TTC14: variants seen among roughly 807,000 people sequenced by gnomAD.
TTC14 encodes tetratricopeptide repeat protein 14.
In TTC14, 63 loss-of-function variants were observed where a neutral mutation model predicts 79.9. The observed-to-expected ratio is 0.79, with a 90% CI of 0.64 to 0.97. TTC14 has a LOEUF of 0.97. TTC14 is among the 50% of genes least tolerant of loss of function. TTC14 has a pLI of 0.00. For missense variants in TTC14, 895 were observed against 894.0 expected (o/e 1.00, Z -0.01); for synonymous variants, 335 against 309.6 (o/e 1.08, Z -0.86).
In TTC14 at chr3:180,603,246, C is replaced by A. The variant is rs1168523686; in HGVS notation, c.409C>A (p.Arg137=). ...DIVIGRISSI[R]EFGFFMVLIC... is the part of the protein sequence containing the mutation. ...AGTGATTGGAAGAATTAGTTCTATTCGGGAATTCGGTTTTTTCATGGTGTT... is the reference window on the plus strand; with the variant it reads ...AGTGATTGGAAGAATTAGTTCTATTAGGGAATTCGGTTTTTTCATGGTGTT... The change falls in exon 3 of 12, where the codon CGG becomes AGG. Residue 137 remains arginine, a synonymous_variant. Transcript: ENST00000296015. The A allele has an allele frequency of 1.2e-6, 2 of 1,613,716 alleles. No individual in the cohort carries two copies. Among genetic ancestry groups the A allele is most frequent in the Admixed American group, 3.3e-5 (2 of 59,974 alleles).
chr3:180,602,638 A>G, intron 1 of TTC14: 2 of 716,762 alleles, frequency 2.8e-6, no homozygotes, highest in Admixed American at 3.2e-5. Flanking sequence ...TGCTTGGTAG[A>G]GGCGCAGATT....
chr3:180,616,918 T>G, intron 12 of TTC14: 1 of 1,533,478 alleles, frequency 6.5e-7, no homozygotes, highest in Admixed American at 1.7e-5. Context: ...AACTTTTCTT[T>G]AACATTATTT....
intron 12 of TTC14, chr3:180,617,294 G>A (rs565463616): frequency 4.2e-4 from 203 of 478,786 alleles, no homozygotes; most frequent in African/African-American, 3.8e-3. Context: ...ATACAATTAT[G>A]TACAGTGCAT....
At chr3:180,602,533 C>T (rs1716421787) in intron 1 of TTC14, 111 bp downstream of exon 1, 2 of 1,384,814 alleles carry the variant, frequency 1.4e-6, no homozygotes, top group African/African-American at 2.9e-5. Flanking sequence ...GCCGTGAGCA[C>T]AGGACGATCG....
chr3:180,611,374 T>G (rs994948815), downstream of TTC14, among the ~76,000 whole-genome samples: 1 of 152,226 alleles, frequency 6.6e-6, no homozygotes, highest in African/African-American at 2.4e-5. Context: ...ATCTGGCTTT[T>G]CTTTAGGGAA....
chr3:180,614,200 T>C (rs1015821869), downstream of TTC14: 15 of 159,866 alleles, frequency 9.4e-5, no homozygotes, highest in Admixed American at 8.0e-4. Flanking sequence ...AAATCGTTTA[T>C]TAAATCAAGA....
chr3:180,607,766 G>T lies in TTC14; in HGVS notation c.1290+1G>T. 6.2e-7 allele frequency: 1 copy of T among 1,605,960 alleles called. No individual in the cohort carries two copies. The highest frequency in any genetic ancestry group is 8.5e-7 in the Non-Finnish European group (1 of 1,177,634). ...GCAGAAACTTCATAAATATATGCAGGTGATTCCTTATTTCCTCTTAGAAAT... is the reference window on the plus strand; with the variant it reads ...GCAGAAACTTCATAAATATATGCAGTTGATTCCTTATTTCCTCTTAGAAAT... On this transcript the variant is annotated splice_donor_variant, in intron 10 of 11. Transcript: ENST00000296015. LOFTEE classifies it high-confidence loss of function.
At chr3:180,607,176 A>G (rs1716744706) in intron 9 of TTC14, among the ~76,000 whole-genome samples, 1 of 152,174 alleles carries the variant, frequency 6.6e-6, no homozygotes, top group Non-Finnish European at 1.5e-5. Flanking sequence ...TTTATGTCCA[A>G]ACTTTCTCAT....
intron 6 of TTC14, 140 bp downstream of exon 6, chr3:180,605,147 TCC>T: frequency 2.8e-6 from 2 of 714,320 alleles, no homozygotes; most frequent in Non-Finnish European, 4.4e-6. Flanking sequence ...AACCAGGTGA[TCC>T]CATCTTCTGG....
chr3:180,605,912 A>G, intron 7 of TTC14, 75 bp downstream of exon 7: 2 of 1,424,628 alleles, frequency 1.4e-6, no homozygotes. Context: ...TGCTTATATC[A>G]TCAATAAGAC....
At chr3:180,617,852 A>G (rs532226901), downstream of TTC14, 4 of 176,592 alleles carry the variant, frequency 2.3e-5, no homozygotes, top group East Asian at 5.6e-4. Flanking sequence ...ATTATTTATC[A>G]TGTCTACAGT....
At chr3:180,617,243 G>A (rs1717279604) in intron 12 of TTC14, 4 of 473,778 alleles carry the variant, frequency 8.4e-6, no homozygotes, top group South Asian at 4.8e-5. Context: ...GATGGCTGGT[G>A]TAAACAAACC....
chr3:180,616,383 C>T (rs747687492), intron 12 of TTC14: 14 of 1,596,452 alleles, frequency 8.8e-6, no homozygotes, highest in Admixed American at 6.8e-5. Context: ...TATTCAATAG[C>T]AATCATTAGT....
At chr3:180,602,527 T>G in intron 1 of TTC14, 105 bp downstream of exon 1, 3 of 1,415,098 alleles carry the variant, frequency 2.1e-6, no homozygotes, top group Non-Finnish European at 2.8e-6. Flanking sequence ...GCCGCGGCCG[T>G]GAGCACAGGA....
At chr3:180,617,008 T>C in intron 12 of TTC14, 1 of 1,081,274 alleles carries the variant, frequency 9.2e-7, no homozygotes, top group Non-Finnish European at 1.3e-6. Flanking sequence ...GAATCAGAAA[T>C]TGACTTTTAT....
chr3:180,612,569 G>C (rs1350874746), downstream of TTC14, among the ~76,000 whole-genome samples: 2 of 152,090 alleles, frequency 1.3e-5, no homozygotes, highest in Admixed American at 1.3e-4. Context: ...ATTTGAGACT[G>C]GCCTGGGCAA....
At chr3:180,618,001 A>G (rs146885412), downstream of TTC14, among the ~76,000 whole-genome samples, 2 of 152,162 alleles carry the variant, frequency 1.3e-5, no homozygotes, top group East Asian at 3.9e-4. Context: ...CCATTATACC[A>G]TATTTTTATT....
downstream of TTC14, among the ~76,000 whole-genome samples, chr3:180,618,183 C>T (rs750148014): frequency 3.9e-5 from 6 of 152,104 alleles, no homozygotes; most frequent in Non-Finnish European, 5.9e-5. Context: ...GTGACAAAAT[C>T]GCCCAAGGAT....
chr3:180,616,819 T>C lies in TTC14; in HGVS notation c.1775-561T>C, dbSNP rs1338617976. The C allele has an allele frequency of 1.2e-6, 2 of 1,608,476 alleles. No individual in the cohort carries two copies. The highest frequency in any genetic ancestry group is 1.3e-5 in the African/African-American group (1 of 74,738). On this transcript the variant is annotated intron_variant, in intron 12 of 12. Transcript: ENST00000382584. ...ATGAAAGGTCAGTTTTTAAAAGATA[T>C]CGATACCTGTTTGGTCACTCTTTCT...
Sources: gnomAD v4.1 joint callset for allele counts (sites outside exome capture counted in the v4.1 genomes callset) on GRCh38, gnomAD v4.1.1 for gene constraint, MANE v1.5 for transcripts, NCBI Gene and HGNC (gene_info 2026-07-23, HGNC 2026-07-21) for gene names.